CNTN3: variants seen among roughly 807,000 people sequenced by gnomAD.
CNTN3 encodes the protein contactin 3, also known as contactin-3.
Under a neutral mutation model 119.1 loss-of-function variants are expected in CNTN3, and 60 were observed. The ratio of observed to expected loss-of-function variants is 0.50; its 90% CI spans 0.41 to 0.62. CNTN3 has a LOEUF of 0.62. Among genes scored for constraint, CNTN3 ranks in the 20% least tolerant of loss-of-function variants. The pLI is 0.00. For missense variants in CNTN3, 1,101 were observed against 1,242.4 expected (o/e 0.89, Z 1.71); for synonymous variants, 450 against 438.7 (o/e 1.03, Z -0.32).
At chr3:74,606,286 A>G (rs991134292) in intron 1 of CNTN3, among the ~76,000 whole-genome samples, 5 of 152,088 alleles carry the variant, frequency 3.3e-5, no homozygotes, top group Non-Finnish European at 4.4e-5. Flanking sequence ...TCTTATATAC[A>G]ATCTAAAATG....
At chr3:74,325,367 G>A (rs543255893) in intron 13 of CNTN3, among the ~76,000 whole-genome samples, 3 of 152,094 alleles carry the variant, frequency 2.0e-5, no homozygotes, top group Non-Finnish European at 2.9e-5. Context: ...TCTTGATTTG[G>A]AAGAGTCAGT....
intron 4 of CNTN3, among the ~76,000 whole-genome samples, chr3:74,438,555 T>C (rs1701909996): frequency 6.6e-6 from 1 of 152,238 alleles, no homozygotes; most frequent in African/African-American, 2.4e-5. Context: ...CTTTGAGGCC[T>C]TCAACAACTA....
chr3:74,372,829 G>A (rs201841017), intron 5 of CNTN3, among the ~76,000 whole-genome samples: 1 of 152,002 alleles, frequency 6.6e-6, no homozygotes, highest in East Asian at 1.9e-4. Context: ...TAAAGGACAG[G>A]AGAACACCCC....
Position 74,591,738 on chromosome 3 carries a change from T to A in CNTN3, c.-81+22653A>T, listed in dbSNP as rs1417606030. 2.0e-5 allele frequency among the ~76,000 whole-genome samples: 3 copies of A among 151,358 alleles called. No homozygotes were observed. The East Asian group carries it at 5.9e-4, about 30-fold the overall frequency. ...AAGATGTATGGTCCTGAGACAGAAA[T>A]AGGAAAGGGTAAGGCAAGAAGCTAT... On this transcript the variant is annotated intron_variant, in intron 1 of 22. Transcript: ENST00000263665.
chr3:74,336,136 CT>C (rs1275977298), intron 12 of CNTN3, among the ~76,000 whole-genome samples: 1 of 152,008 alleles, frequency 6.6e-6, no homozygotes, highest in African/African-American at 2.4e-5. Flanking sequence ...ATATCCACAA[CT>C]TTAAGCAATT....
chr3:74,320,828 C>T (rs1702969539), intron 13 of CNTN3, among the ~76,000 whole-genome samples: 2 of 152,000 alleles, frequency 1.3e-5, no homozygotes, highest in African/African-American at 4.8e-5. Context: ...TTCATGTATG[C>T]CAGCCTCCTC....
intron 3 of CNTN3, among the ~76,000 whole-genome samples, chr3:74,493,456 T>C (rs1425752535): frequency 2.0e-5 from 3 of 152,088 alleles, no homozygotes; most frequent in Non-Finnish European, 4.4e-5. Context: ...AACAACATTC[T>C]AGAGAGAAAC....
At chr3:74,530,171 C>G (rs375411559) in intron 1 of CNTN3, among the ~76,000 whole-genome samples, 1 of 151,948 alleles carries the variant, frequency 6.6e-6, no homozygotes, top group African/African-American at 2.4e-5. Flanking sequence ...AGCACACTGA[C>G]CATAAATATA....
chr3:74,313,415 C>T (rs928847018), intron 13 of CNTN3, among the ~76,000 whole-genome samples: 1 of 151,452 alleles, frequency 6.6e-6, no homozygotes, highest in East Asian at 1.9e-4. Context: ...AAATAAAACA[C>T]CTTGGCATAC....
intron 1 of CNTN3, among the ~76,000 whole-genome samples, chr3:74,532,987 A>C (rs1210765452): frequency 6.6e-6 from 1 of 152,138 alleles, no homozygotes; most frequent in Non-Finnish European, 1.5e-5. Flanking sequence ...AGGGAATAGA[A>C]GTGATGAACC....
chr3:74,346,635 T>C (rs1703694575), intron 11 of CNTN3, among the ~76,000 whole-genome samples: 2 of 152,114 alleles, frequency 1.3e-5, no homozygotes, highest in African/African-American at 4.8e-5. Flanking sequence ...GTAAGTCCTC[T>C]CCAGGGATCA....
At chr3:74,607,577 G>C (rs115869015) in intron 1 of CNTN3, among the ~76,000 whole-genome samples, 2,284 of 152,178 alleles carry the variant, frequency 0.015, 51 homozygotes, top group African/African-American at 0.051. Flanking sequence ...ACGTAGCATG[G>C]GGAAGTCAAC....
intron 1 of CNTN3, among the ~76,000 whole-genome samples, chr3:74,583,844 G>A (rs79410159): frequency 5.9e-5 from 9 of 152,250 alleles, no homozygotes; most frequent in South Asian, 2.1e-4. Context: ...CATTTAGGGT[G>A]CACTAAGAGA....
intron 4 of CNTN3, among the ~76,000 whole-genome samples, chr3:74,483,524 G>A (rs565681421): frequency 6.6e-6 from 1 of 152,088 alleles, no homozygotes; most frequent in African/African-American, 2.4e-5. Context: ...AGAGCAACCT[G>A]GGGGGATAAG....
At chr3:74,496,147 G>A (rs1703058979) in intron 3 of CNTN3, among the ~76,000 whole-genome samples, 1 of 152,016 alleles carries the variant, frequency 6.6e-6, no homozygotes, top group African/African-American at 2.4e-5. Context: ...TACCATATTG[G>A]ACAGCAAACC....
At chr3:74,409,513 GTT>G (rs879680280) in intron 5 of CNTN3, among the ~76,000 whole-genome samples, 1 of 146,220 alleles carries the variant, frequency 6.8e-6, no homozygotes, top group Non-Finnish European at 1.5e-5. Flanking sequence ...TTTGTCTAAA[GTT>G]TTTTTTTTTT....
intron 11 of CNTN3, among the ~76,000 whole-genome samples, chr3:74,341,206 A>T (rs1246468520): frequency 1.3e-5 from 2 of 152,222 alleles, no homozygotes; most frequent in Non-Finnish European, 2.9e-5. Context: ...GGGCATTTGC[A>T]CAACATAAAA....
At chr3:74,285,569 G>A in intron 19 of CNTN3, 78 bp from the exon 20 acceptor site, 2 of 1,377,310 alleles carry the variant, frequency 1.5e-6, no homozygotes, top group Non-Finnish European at 2.0e-6. Context: ...CATTAAAATG[G>A]GCACTGACTT....
intron 1 of CNTN3, among the ~76,000 whole-genome samples, chr3:74,532,341 G>A (rs960543572): frequency 2.0e-5 from 3 of 151,878 alleles, no homozygotes; most frequent in African/African-American, 4.8e-5. Context: ...TTATCTGTGG[G>A]GCATACATTC....
Sources: allele counts gnomAD v4.1 joint callset (sites outside exome capture counted in the v4.1 genomes callset), GRCh38; gene constraint gnomAD v4.1.1; transcripts MANE v1.5; gene names NCBI Gene and HGNC (gene_info 2026-07-23, HGNC 2026-07-21).